REV1: variants seen among roughly 807,000 people sequenced by gnomAD.
REV1 encodes REV1 DNA directed polymerase.
Under a neutral mutation model 137.4 loss-of-function variants are expected in REV1, and 42 were observed. The ratio of observed to expected loss-of-function variants is 0.31; its 90% CI spans 0.24 to 0.40. REV1 has a LOEUF of 0.40. REV1 is among the 10% of genes least tolerant of loss of function. REV1 has a pLI of 1.00. For synonymous variants in REV1, 524 were observed against 519.2 expected, an observed-to-expected ratio of 1.01 and a Z score of -0.12; for missense variants, 1,282 against 1,490.1, an observed-to-expected ratio of 0.86 and a Z score of 2.30.
intron 22 of REV1, 91 bp from the exon 23 acceptor site, chr2:99,401,443 CAAAAA>C: frequency 5.3e-6 from 3 of 568,016 alleles, no homozygotes; most frequent in Non-Finnish European, 8.3e-6. Context: ...TTGACTTTGG[CAAAAA>C]AAAAAAAAAG....
chr2:99,418,548 C>T (rs74640140), intron 12 of REV1, among the ~76,000 whole-genome samples: 1 of 152,292 alleles, frequency 6.6e-6, no homozygotes, highest in African/African-American at 2.4e-5. Context: ...TTTCATCATC[C>T]TCCCTTTTAA....
At chr2:99,479,903 G>A (rs975518169) in intron 1 of REV1, among the ~76,000 whole-genome samples, 2 of 152,190 alleles carry the variant, frequency 1.3e-5, no homozygotes, top group Non-Finnish European at 2.9e-5. Flanking sequence ...AAGCATCACT[G>A]AGAGGTAGAT....
chr2:99,442,323 T>C lies in REV1; in HGVS notation c.497A>G (p.Asn166Ser). 1 of 1,606,532 alleles carries C rather than the reference T, an allele frequency of 6.2e-7. No individual in the cohort carries two copies. Residue 166 changes from asparagine to serine, a missense_variant, in exon 5 of 23, where the codon AAC (asparagine) becomes AGC (serine). Transcript: ENST00000258428. ...GPSNIAKQLN[N>S]RVNHIVKKIE... is the part of the protein sequence containing the mutation. ...CCCAACTAGACAAACTTACACCCTG[T>C]TGTTGAGCTGTTTGGCTATATTGCT...
At chr2:99,445,811 T>C (rs919894996) in intron 4 of REV1, among the ~76,000 whole-genome samples, 1 of 152,168 alleles carries the variant, frequency 6.6e-6, no homozygotes, top group African/African-American at 2.4e-5. Context: ...CCTATAACCA[T>C]GCCTACATTA....
intron 6 of REV1, among the ~76,000 whole-genome samples, chr2:99,438,202 A>ATT (rs1681004918): frequency 6.6e-6 from 1 of 151,394 alleles, no homozygotes. Context: ...GTCAAAATTA[A>ATT]AAAATCATTA....
Position 99,480,401 on chromosome 2 carries a change from G to C in REV1, c.-11+9416C>G, listed in dbSNP as rs563878226. On this transcript the variant is annotated intron_variant, in intron 1 of 22. Coordinates refer to ENST00000258428, the MANE Select transcript of REV1 (RefSeq NM_016316.4). The stretch of plus-strand genomic sequence containing the variant: ...AGGAACATGGCCAGATGTAGAGGTA[G>C]ACAAACTAAGGTAGGTGGAGAAATA... Among the ~76,000 whole-genome samples, 19 of 152,314 alleles carry C rather than the reference G, an allele frequency of 1.2e-4. No individual in the cohort carries two copies. The South Asian group carries it at 3.9e-3, about 32-fold the overall frequency.
intron 1 of REV1, among the ~76,000 whole-genome samples, chr2:99,483,798 G>A (rs1413432746): frequency 1.3e-5 from 2 of 152,040 alleles, no homozygotes; most frequent in African/African-American, 4.8e-5. Context: ...GGAAAAAATG[G>A]CCTTGGGGGG....
chr2:99,486,020 G>C (rs929717146), intron 1 of REV1, among the ~76,000 whole-genome samples: 3 of 152,216 alleles, frequency 2.0e-5, no homozygotes, highest in Non-Finnish European at 4.4e-5. Flanking sequence ...GGCTACTCGA[G>C]CGCCTGAGGC....
intron 6 of REV1, chr2:99,436,873 G>A (rs1465482453): frequency 1.3e-5 from 2 of 152,122 alleles, no homozygotes; most frequent in Admixed American, 6.5e-5. Flanking sequence ...TAGTACTGAG[G>A]GTCAGTCTTT....
chr2:99,479,601 G>GC (rs1156822233), intron 1 of REV1, among the ~76,000 whole-genome samples: 4 of 151,622 alleles, frequency 2.6e-5, no homozygotes, highest in African/African-American at 9.7e-5. Flanking sequence ...ACCAGCCTGA[G>GC]CAACACAGCA....
rs1675854310 is a variant in REV1, at chr2:99,403,721, G to C, written c.3140C>G (p.Thr1047Ser). 1 of 1,614,066 alleles carries C rather than the reference G, an allele frequency of 6.2e-7. No individual in the cohort carries two copies. Among genetic ancestry groups the C allele is most frequent in the African/African-American group, 1.3e-5 (1 of 74,916 alleles). Residue 1047 changes from threonine to serine, a missense_variant, in exon 19 of 23, where the codon ACT becomes AGT. Coordinates refer to ENST00000258428, the MANE Select transcript of REV1 (RefSeq NM_016316.4). ...AGATGCGCTGGCTGACTGCTGGTGA[G>C]TGCTGTTCTCGCCCTGCCTTTGTCT... ...DQRQRQGENS[T>S]HQQSASASVP...
intron 1 of REV1, among the ~76,000 whole-genome samples, chr2:99,482,440 C>A (rs1686703498): frequency 6.6e-6 from 1 of 152,152 alleles, no homozygotes; most frequent in Non-Finnish European, 1.5e-5. Flanking sequence ...AAAGTTGTAG[C>A]CAGTTGGTCA....
rs556114424 is a variant in REV1 at position 99,404,551 on chromosome 2, C to G, written c.2938G>C (p.Gly980Arg). The G allele has an allele frequency of 1.2e-6, 2 of 1,614,006 alleles. No homozygotes were observed. The highest frequency in any genetic ancestry group is 2.7e-5 in the African/African-American group (2 of 74,920). ...KKEPVNGCNT[G>R]ILPQPVGTVL... Reference sequence around the variant, plus strand: ...GTCCCAACTGGTTGTGGCAAAATTCCTGTATTACAGCCATTTACTGGTTCT... The same window carrying G: ...GTCCCAACTGGTTGTGGCAAAATTCGTGTATTACAGCCATTTACTGGTTCT... The change falls in exon 18 of 23, where the codon GGA becomes CGA. Residue 980 changes from glycine to arginine, a missense_variant. Transcript: ENST00000258428.
chr2:99,478,362 T>C (rs150023447), intron 1 of REV1, among the ~76,000 whole-genome samples: 2 of 152,336 alleles, frequency 1.3e-5, no homozygotes, highest in African/African-American at 4.8e-5. Flanking sequence ...CATGGCCCAA[T>C]TGCATTTATT....
intron 3 of REV1, among the ~76,000 whole-genome samples, chr2:99,459,715 A>G (rs1017710924): frequency 5.9e-5 from 9 of 152,286 alleles, no homozygotes; most frequent in African/African-American, 2.2e-4. Context: ...CAAAACAAAG[A>G]AACAAACAAA....
chr2:99,407,930 A>G (rs1019959819), intron 15 of REV1, 99 bp downstream of exon 15: 4 of 582,324 alleles, frequency 6.9e-6, no homozygotes, highest in Non-Finnish European at 1.1e-5. Flanking sequence ...CCTACATATA[A>G]AGTCCCTATA....
At chr2:99,485,300 C>A (rs4143760) in intron 1 of REV1, among the ~76,000 whole-genome samples, 65,328 of 152,000 alleles carry the variant, frequency 0.43, 14,274 homozygotes, top group Admixed American at 0.58. Flanking sequence ...ATTCTTTCTT[C>A]TCTTATTTCT....
At chr2:99,441,198 AG>A (rs1441452782) in intron 5 of REV1, among the ~76,000 whole-genome samples, 11 of 152,220 alleles carry the variant, frequency 7.2e-5, no homozygotes, top group Non-Finnish European at 1.6e-4. Context: ...TAAAAGCTAC[AG>A]GTAACATGAA....
In REV1 at chr2:99,470,303, C is replaced by T. The variant is rs181836124; in HGVS notation, c.-10-5318G>A. 2.9e-4 allele frequency among the ~76,000 whole-genome samples: 44 copies of T among 152,174 alleles called. No individual in the cohort carries two copies. In the East Asian group the frequency reaches 5.8e-3, roughly 20 times the overall value. Reference sequence around the variant, plus strand: ...AGTCTGTTGATTAACTAATGAAATTCATTTTGAGTGGCTTTTAATCAGTCT... The same window carrying T: ...AGTCTGTTGATTAACTAATGAAATTTATTTTGAGTGGCTTTTAATCAGTCT... On this transcript the variant is annotated intron_variant, in intron 1 of 22. Coordinates refer to ENST00000258428, the MANE Select transcript of REV1 (RefSeq NM_016316.4).
Sources: allele counts gnomAD v4.1 joint callset (sites outside exome capture counted in the v4.1 genomes callset), GRCh38; gene constraint gnomAD v4.1.1; transcripts MANE v1.5; gene names NCBI Gene and HGNC (gene_info 2026-07-23, HGNC 2026-07-21).